The following TTC9 variants were observed in gnomAD, a reference collection of about 807,000 sequenced individuals.
The protein encoded by TTC9 is tetratricopeptide repeat domain 9.
A neutral mutation model predicts 22.9 loss-of-function variants in TTC9; 13 were observed. The observed-to-expected ratio is 0.57, with a 90% CI of 0.37 to 0.90. The LOEUF (loss-of-function observed/expected upper bound fraction) is 0.90, where lower values mean the gene tolerates loss of function less well. Ranked by LOEUF, TTC9 falls within the 40% of genes least tolerant of loss-of-function variation. The pLI is 0.01. For missense variants in TTC9, 280 were observed against 291.8 expected (o/e 0.96, Z 0.29); for synonymous variants, 148 against 133.2 (o/e 1.11, Z -0.77).
intron 1 of TTC9, among the ~76,000 whole-genome samples, chr14:70,644,150 G>A (rs1885869946): frequency 6.6e-6 from 1 of 152,200 alleles, no homozygotes; most frequent in African/African-American, 2.4e-5. Context: ...TATTATCCAT[G>A]GACATTCTAG....
chr14:70,662,501 T>A (rs1886158367), intron 1 of TTC9, among the ~76,000 whole-genome samples: 1 of 152,142 alleles, frequency 6.6e-6, no homozygotes, highest in Admixed American at 6.5e-5. Flanking sequence ...CCAGTCTGAT[T>A]GTCCTCCCCA....
rs150138137 is a variant in TTC9 at position 70,674,868 on chromosome 14, G to T, written c.*3713G>T. The T allele has an allele frequency of 6.6e-6, 1 of 152,212 alleles. No individual in the cohort carries two copies. Among genetic ancestry groups the T allele is most frequent in the Non-Finnish European group, 1.5e-5 (1 of 68,022 alleles). The allele number at this position is 152,212 out of a possible 1,614,324, so 9.4% of individuals were successfully genotyped here. On this transcript the variant is annotated 3_prime_UTR_variant, in exon 3 of 3. Transcript: ENST00000256367. ...TTGTTCCCAATCTTCATTGTAAATA[G>T]TGTTGCAACTGACATTCTTGTAGCT... is the stretch of plus-strand genomic sequence containing the variant.
chr14:70,657,428 C>T (rs1167592551), intron 1 of TTC9, among the ~76,000 whole-genome samples: 1 of 152,172 alleles, frequency 6.6e-6, no homozygotes. Flanking sequence ...GAGAGATCTC[C>T]AAAGACAGTG....
At chr14:70,664,414 C>A (rs1423296712) in intron 1 of TTC9, among the ~76,000 whole-genome samples, 2 of 152,228 alleles carry the variant, frequency 1.3e-5, no homozygotes, top group South Asian at 4.2e-4. Flanking sequence ...ACCCCCTCCA[C>A]CCCTGGATTC....
chr14:70,644,058 G>C (rs1156368875), intron 1 of TTC9, among the ~76,000 whole-genome samples: 2 of 152,214 alleles, frequency 1.3e-5, no homozygotes, highest in Non-Finnish European at 2.9e-5. Flanking sequence ...AAAGGGCAGA[G>C]CAGCCATGGG....
chr14:70,675,098 T>C lies in TTC9; in HGVS notation c.*3943T>C, dbSNP rs1886350193. The C allele has an allele frequency of 6.6e-6, 1 of 152,224 alleles. No homozygotes were observed. The highest frequency in any genetic ancestry group is 2.4e-5 in the African/African-American group (1 of 41,462). The allele number at this position is 152,224 out of a possible 1,614,324, so 9.4% of individuals were successfully genotyped here. A position where few individuals can be genotyped will look rare whatever the true frequency, so the allele number is the denominator to read the frequency against. On this transcript the variant is annotated 3_prime_UTR_variant, in exon 3 of 3. Transcript: ENST00000256367. ...ATCACTTATCAAATCTTTCCCAATT[T>C]GGTAGCTGGGATAATAGTATGTCAA...
rs1886323715 is a variant in TTC9 at position 70,673,396 on chromosome 14, T to C, written c.*2241T>C. The C allele has an allele frequency of 6.6e-6, 1 of 152,296 alleles. No homozygotes were observed. The allele number at this position is 152,296 out of a possible 1,614,324, so 9.4% of individuals were successfully genotyped here. On this transcript the variant is annotated 3_prime_UTR_variant, in exon 3 of 3. Transcript: ENST00000256367. ...GAAATATTGAGGGGCCTGCCATTAC[T>C]CACCTAGAGCTCACTCTCTGGAGAA...
intron 1 of TTC9, among the ~76,000 whole-genome samples, chr14:70,654,851 T>C (rs1461852651): frequency 6.6e-6 from 1 of 152,038 alleles, no homozygotes; most frequent in Non-Finnish European, 1.5e-5. Context: ...GGAAGCGAGG[T>C]ACAGAAACAG....
intron 1 of TTC9, among the ~76,000 whole-genome samples, chr14:70,660,958 A>G (rs12898081): frequency 0.45 from 67,881 of 152,126 alleles, 15,343 homozygotes; most frequent in Middle Eastern, 0.5. Context: ...AGCAAGGTAT[A>G]TTAGTTTCCT....
intron 1 of TTC9, among the ~76,000 whole-genome samples, chr14:70,667,136 C>T (rs769682922): frequency 1.3e-5 from 2 of 152,130 alleles, no homozygotes; most frequent in African/African-American, 4.8e-5. Context: ...TTTATCATGT[C>T]GTCTTTCCTC....
chr14:70,642,240 A>C lies in TTC9; in HGVS notation c.111A>C (p.Gly37=). 7.4e-7 allele frequency: 1 copy of C among 1,357,238 alleles called. No individual in the cohort carries two copies. 84.1% of individuals were successfully genotyped at this position (1,357,238 alleles called of 1,614,324 possible). A position where few individuals can be genotyped will look rare whatever the true frequency, so the allele number is the denominator to read the frequency against. The change falls in exon 1 of 3, where the codon GGA becomes GGC. Residue 37 remains glycine, a synonymous_variant. Coordinates refer to ENST00000256367, the MANE Select transcript of TTC9 (RefSeq NM_015351.2). ...TGTGCGTCCCGGGCGGCGGCGGAGG[A>C]GCCCCAGCGAGGGGCCAGGTCGGGG... The part of the protein sequence containing the change: ...PPLCVPGGGG[G]APARGQVGAA...
chr14:70,667,709 C>T lies in TTC9; in HGVS notation c.552C>T (p.Leu184=). ...ACCTTGGGGACTATGACAAAGCACT[C>T]TACTACCTGAAAGAAGCAAGGACCC... The part of the protein sequence containing the change: ...FYHLGDYDKA[L]YYLKEARTQQ... Residue 184 remains leucine (L), a synonymous_variant, in exon 2 of 3, where the codon CTC becomes CTT. Coordinates refer to ENST00000256367, the MANE Select transcript of TTC9 (RefSeq NM_015351.2). The T allele has an allele frequency of 1.2e-6, 2 of 1,608,038 alleles. No homozygotes were observed. The highest frequency in any genetic ancestry group is 2.7e-5 in the African/African-American group (2 of 74,776).
intron 1 of TTC9, among the ~76,000 whole-genome samples, chr14:70,647,934 C>T (rs1885927019): frequency 6.6e-6 from 1 of 151,994 alleles, no homozygotes; most frequent in Admixed American, 6.6e-5. Flanking sequence ...CTGAGGTGGA[C>T]AAAATTGGAT....
intron 1 of TTC9, among the ~76,000 whole-genome samples, chr14:70,664,587 A>G (rs1012525754): frequency 1.3e-5 from 2 of 152,088 alleles, no homozygotes; most frequent in Non-Finnish European, 2.9e-5. Context: ...TTAGCTAGGC[A>G]TGGTGGCGGG....
At chr14:70,655,351 G>A (rs1886048225) in intron 1 of TTC9, among the ~76,000 whole-genome samples, 2 of 151,564 alleles carry the variant, frequency 1.3e-5, no homozygotes, top group Middle Eastern at 6.9e-3. Context: ...CCGAGATCGC[G>A]CCACTGCTCT....
intron 1 of TTC9, among the ~76,000 whole-genome samples, chr14:70,654,706 G>A (rs1011030538): frequency 2.2e-4 from 33 of 150,700 alleles, no homozygotes; most frequent in African/African-American, 7.1e-4. Flanking sequence ...ATTTAGCAGA[G>A]TTTAATTGAG....
At chr14:70,654,935 A>G (rs1291772028) in intron 1 of TTC9, among the ~76,000 whole-genome samples, 3 of 152,068 alleles carry the variant, frequency 2.0e-5, no homozygotes, top group Non-Finnish European at 2.9e-5. Flanking sequence ...ATTGGCTAAA[A>G]CTCAGTTGAT....
At chr14:70,664,054 G>T (rs1054148645) in intron 1 of TTC9, among the ~76,000 whole-genome samples, 7 of 152,118 alleles carry the variant, frequency 4.6e-5, no homozygotes, top group Non-Finnish European at 1.0e-4. Flanking sequence ...GTTTCATGGA[G>T]TTGATGTGAG....
intron 1 of TTC9, among the ~76,000 whole-genome samples, chr14:70,664,992 G>A (rs957726173): frequency 1.3e-5 from 2 of 152,130 alleles, no homozygotes; most frequent in African/African-American, 4.8e-5. Flanking sequence ...TGATTGCTGT[G>A]GTTCCTTTAA....
Sources: allele counts gnomAD v4.1 joint callset (sites outside exome capture counted in the v4.1 genomes callset), GRCh38; gene constraint gnomAD v4.1.1; transcripts MANE v1.5; gene names NCBI Gene and HGNC (gene_info 2026-07-23, HGNC 2026-07-21).